PLXNA1: variants seen among roughly 807,000 people sequenced by gnomAD.
PLXNA1 encodes plexin-A1.
In PLXNA1, 77 loss-of-function variants were observed where a neutral mutation model predicts 191.7. The observed-to-expected ratio is 0.40, with a 90% CI of 0.33 to 0.49. PLXNA1 has a LOEUF of 0.49. PLXNA1 is among the 20% of genes least tolerant of loss of function. The pLI, the probability that PLXNA1 is intolerant of heterozygous loss-of-function variation, is 0.63. For synonymous variants in PLXNA1, 1,137 were observed against 1,156.4 expected (o/e 0.98, Z 0.34); for missense variants, 2,110 against 2,660.2 (o/e 0.79, Z 4.55).
chr3:127,030,510 G>C (rs755889596), intron 29 of PLXNA1, 98 bp downstream of exon 29: 2 of 1,455,280 alleles, frequency 1.4e-6, no homozygotes, highest in African/African-American at 1.4e-5. Flanking sequence ...CCCACTTGGG[G>C]CTCCCTGGCG....
rs765955097 is a variant in PLXNA1 at position 126,989,347 on chromosome 3, A to G, written c.754A>G (p.Ser252Gly). 1 of 1,613,660 alleles carries G rather than the reference A, an allele frequency of 6.2e-7. No individual in the cohort carries two copies. Among genetic ancestry groups the G allele is most frequent in the South Asian group, 1.1e-5 (1 of 91,092 alleles). ...CATCTACTATGTGTACAGCTTCCGC[A>G]GCGAGCAGTTTGTCTACTACCTCAC... Reference protein sequence around the residue: ...FDIYYVYSFRSEQFVYYLTLQ... With the variant: ...FDIYYVYSFRGEQFVYYLTLQ... The change falls in exon 2 of 32, where the codon AGC becomes GGC. Residue 252 changes from serine to glycine, a missense_variant. Ser to Gly is a moderately conservative substitution (Grantham distance 56). Coordinates refer to ENST00000393409, the MANE Select transcript of PLXNA1 (RefSeq NM_032242.4).
intron 1 of PLXNA1, among the ~76,000 whole-genome samples, chr3:126,988,122 G>A (rs563255505): frequency 6.6e-6 from 1 of 152,242 alleles, no homozygotes; most frequent in South Asian, 2.1e-4. Context: ...ACAGAGCTGT[G>A]GGGAGGGTCC....
Position 127,017,833 on chromosome 3 carries a change from G to A in PLXNA1, c.3601G>A (p.Val1201Met), listed in dbSNP as rs1457339072. Reference protein sequence around the residue: ...LIGSTPCTLTVSETQLLCEAP... With the variant: ...LIGSTPCTLTMSETQLLCEAP... ...CGGCTCCACACCCTGTACCCTCACC[G>A]TGTCGGAGACGCAACTGCTGTGCGA... The change falls in exon 19 of 32, where the codon GTG becomes ATG. Residue 1201 changes from valine to methionine, a missense_variant. Coordinates refer to ENST00000393409, the MANE Select transcript of PLXNA1 (RefSeq NM_032242.4). 2 of 1,612,898 alleles carry A rather than the reference G, an allele frequency of 1.2e-6. No individual in the cohort carries two copies. The highest frequency in any genetic ancestry group is 1.7e-6 in the Non-Finnish European group (2 of 1,180,004).
chr3:127,023,651 C>T (rs898343210), intron 23 of PLXNA1, among the ~76,000 whole-genome samples: 2 of 152,192 alleles, frequency 1.3e-5, no homozygotes, highest in Non-Finnish European at 2.9e-5. Flanking sequence ...GTCTCTGGGC[C>T]GTGGGGCTTT....
Position 127,034,210 on chromosome 3 carries a change from C to G in PLXNA1, c.*193C>G, listed in dbSNP as rs2079228124. On this transcript the variant is annotated 3_prime_UTR_variant, in exon 32 of 32. Coordinates refer to ENST00000393409, the MANE Select transcript of PLXNA1 (RefSeq NM_032242.4). ...CCTGTGTGGAGGTGATGGTACCTGCCACACCACAGCTGCGCACACAGCTGC... is the reference window on the plus strand; with the variant it reads ...CCTGTGTGGAGGTGATGGTACCTGCGACACCACAGCTGCGCACACAGCTGC... 1 of 559,580 alleles carries G rather than the reference C, an allele frequency of 1.8e-6. No homozygotes were observed. The highest frequency in any genetic ancestry group is 2.4e-5 in the South Asian group (1 of 40,860). 34.7% of individuals were successfully genotyped at this position (559,580 alleles called of 1,614,324 possible).
chr3:127,011,307 C>T (rs1365661941), intron 9 of PLXNA1, among the ~76,000 whole-genome samples: 1 of 152,166 alleles, frequency 6.6e-6, no homozygotes, highest in Non-Finnish European at 1.5e-5. Flanking sequence ...AACTCTGCTT[C>T]CCTGGAGCTC....
rs1363658563 is a variant in PLXNA1, at chr3:127,003,389, G to A, written c.1437G>A (p.Val479=). ...GRPALAYESV[V]AQEGSPILRD... ...CTGCCCTGGCCTACGAGAGCGTCGT[G>A]GCCCAGGAGGGCAGCCCCATCCTGC... The change falls in exon 4 of 32, where the codon GTG becomes GTA. Residue 479 remains valine, a synonymous_variant. Coordinates refer to ENST00000393409, the MANE Select transcript of PLXNA1 (RefSeq NM_032242.4). 6.2e-7 allele frequency: 1 copy of A among 1,611,938 alleles called. No individual in the cohort carries two copies. The highest frequency in any genetic ancestry group is 1.7e-5 in the Admixed American group (1 of 59,954).
intron 17 of PLXNA1, 38 bp from the exon 18 acceptor site, chr3:127,017,387 C>T (rs188912103): frequency 4.6e-5 from 74 of 1,597,346 alleles, no homozygotes; most frequent in Non-Finnish European, 5.8e-5. Flanking sequence ...GGGCCACTCG[C>T]GGAGGTCCCG....
chr3:126,993,070 A>G (rs58818803), intron 3 of PLXNA1, among the ~76,000 whole-genome samples: 22,725 of 152,164 alleles, frequency 0.15, 1,969 homozygotes, highest in African/African-American at 0.23. Flanking sequence ...CCTGCTGCCC[A>G]GCACTCACCC....
chr3:127,008,477 G>A (rs979968366), intron 9 of PLXNA1, among the ~76,000 whole-genome samples: 89 of 152,310 alleles, frequency 5.8e-4, no homozygotes, highest in African/African-American at 2.1e-3. Context: ...TGAACAGCAG[G>A]CTGTTCCTTC....
chr3:127,018,317 C>T lies in PLXNA1; in HGVS notation c.3684C>T (p.Phe1228=), dbSNP rs747907191. ...AGGTGCGGGCAGGTGGCTTCGAGTT[C>T]TCGCCAGGGACACTGCAGGTGTACT... ...KVTVRAGGFE[F]SPGTLQVYSD... The change falls in exon 20 of 32, where the codon TTC becomes TTT. Residue 1228 remains phenylalanine, a synonymous_variant. Coordinates refer to ENST00000393409, the MANE Select transcript of PLXNA1 (RefSeq NM_032242.4). 2 of 1,608,528 alleles carry T rather than the reference C, an allele frequency of 1.2e-6. No homozygotes were observed. Among genetic ancestry groups the T allele is most frequent in the African/African-American group, 1.3e-5 (1 of 74,956 alleles).
At position 127,017,555 on chromosome 3, in the gene PLXNA1, T is replaced by C. The variant is rs777456712; in HGVS notation, c.3407T>C (p.Leu1136Pro). 1 of 1,613,762 alleles carries C rather than the reference T, an allele frequency of 6.2e-7. No individual in the cohort carries two copies. The highest frequency in any genetic ancestry group is 1.1e-5 in the South Asian group (1 of 91,084). ...LGFVMDNVRS[L>P]LVLNSTSFLY... ...TTCGTCATGGACAACGTGCGCTCCC[T>C]GCTTGTGCTCAACTCCACCTCCTTC... The change falls in exon 18 of 32, where the codon CTG becomes CCG. Residue 1136 changes from leucine (L) to proline (P), a missense_variant. By Grantham distance (98) the Leu-to-Pro change is moderately conservative (BLOSUM62 -3). Transcript: ENST00000393409.
chr3:126,993,697 C>T (rs2079002130), intron 3 of PLXNA1, among the ~76,000 whole-genome samples: 1 of 152,230 alleles, frequency 6.6e-6, no homozygotes, highest in African/African-American at 2.4e-5. Flanking sequence ...CAGCTGTGCC[C>T]AGGGGTTGCT....
chr3:126,999,306 C>T (rs919301379), intron 3 of PLXNA1, among the ~76,000 whole-genome samples: 1 of 152,218 alleles, frequency 6.6e-6, no homozygotes, highest in African/African-American at 2.4e-5. Context: ...GTGTGGGCAC[C>T]TCCTTAGCTG....
At position 126,988,816 on chromosome 3, in the gene PLXNA1, T is replaced by A. The variant is rs2078974453; in HGVS notation, c.223T>A (p.Ser75Thr). The change falls in exon 2 of 32, where the codon TCG (serine) becomes ACG (threonine). Residue 75 changes from serine (S) to threonine (T), a missense_variant. Coordinates refer to ENST00000393409, the MANE Select transcript of PLXNA1 (RefSeq NM_032242.4). ...VGAVNRIYKL[S>T]GNLTLLRAHV... ...CGCAGTGAACCGCATCTATAAGCTG[T>A]CGGGGAACCTGACACTGCTGCGGGC... is the stretch of plus-strand genomic sequence containing the variant. The A allele has an allele frequency of 6.2e-7, 1 of 1,613,070 alleles. No homozygotes were observed. Among genetic ancestry groups the A allele is most frequent in the Admixed American group, 1.7e-5 (1 of 59,980 alleles).
rs148944805 is a variant in PLXNA1, at chr3:127,011,099, A to C, written c.2113-859A>C. 1.1e-4 allele frequency among the ~76,000 whole-genome samples: 17 copies of C among 152,328 alleles called. No individual in the cohort carries two copies. In the East Asian group the frequency reaches 3.3e-3, roughly 29 times the overall value. On this transcript the variant is annotated intron_variant, in intron 9 of 31. Transcript: ENST00000393409. ...GCGCCTCAGACTGCCAGGGAGGTAC[A>C]GCATAGGTATGGCCACTGTGCGTGC...
chr3:127,015,032 T>C lies in PLXNA1; in HGVS notation c.2878-152T>C, dbSNP rs888771342. 7.5e-6 allele frequency: 10 copies of C among 1,338,660 alleles called. No individual in the cohort carries two copies. In the Admixed American group the frequency reaches 2.5e-4, roughly 34 times the overall value. 82.9% of individuals were successfully genotyped at this position (1,338,660 alleles called of 1,614,324 possible). A position where few individuals can be genotyped will look rare whatever the true frequency, so the allele number is the denominator to read the frequency against. ...CACCTTGGGCTGTGCCTGAGAAACCTGGAAGTACTGGCTCTGAAGTGCAGC... is the reference window on the plus strand; with the variant it reads ...CACCTTGGGCTGTGCCTGAGAAACCCGGAAGTACTGGCTCTGAAGTGCAGC... On this transcript the variant is annotated intron_variant, in intron 14 of 31. Coordinates refer to ENST00000393409, the MANE Select transcript of PLXNA1 (RefSeq NM_032242.4).
chr3:127,009,175 G>A (rs895893849), intron 9 of PLXNA1, among the ~76,000 whole-genome samples: 21 of 152,192 alleles, frequency 1.4e-4, no homozygotes, highest in Middle Eastern at 3.4e-3. Context: ...TCGAGCAGTG[G>A]GGGGCAGCAC....
In PLXNA1 at chr3:127,016,682, C is replaced by T; in HGVS notation, c.3180C>T (p.Asn1060=). 2 of 1,613,928 alleles carry T rather than the reference C, an allele frequency of 1.2e-6. No individual in the cohort carries two copies. Among genetic ancestry groups the T allele is most frequent in the Non-Finnish European group, 8.5e-7 (1 of 1,179,924 alleles). Residue 1060 remains asparagine, a splice_region_variant and synonymous_variant, in exon 16 of 32, where the codon AAC becomes AAT. Transcript: ENST00000393409. The part of the protein sequence containing the change: ...ILRIDPEWSI[N]SGGTLLTVTG... ...GGATCGACCCCGAGTGGAGCATCAA[C>T]AGGTGGGGCCCAGCAACACCCATTC... is the stretch of plus-strand genomic sequence containing the variant.
Sources: gnomAD v4.1 joint callset for allele counts (sites outside exome capture counted in the v4.1 genomes callset) on GRCh38, gnomAD v4.1.1 for gene constraint, MANE v1.5 for transcripts, NCBI Gene and HGNC (gene_info 2026-07-23, HGNC 2026-07-21) for gene names.